LRRC7: variants seen among roughly 807,000 people sequenced by gnomAD.
LRRC7 encodes leucine-rich repeat-containing protein 7.
A neutral mutation model predicts 175.7 loss-of-function variants in LRRC7; 23 were observed. The observed-to-expected ratio is 0.13, with a 90% CI of 0.09 to 0.19. The LOEUF (loss-of-function observed/expected upper bound fraction) is 0.19, where lower values mean the gene tolerates loss of function less well. LRRC7 is among the 10% of genes least tolerant of loss of function. The probability of loss-of-function intolerance (pLI) is 1.00; values close to 1 mark genes in which losing one functional copy is unlikely to be tolerated. For missense variants in LRRC7, 1,354 were observed against 1,904.7 expected, an observed-to-expected ratio of 0.71 and a Z score of 5.38; for synonymous variants, 685 against 680.9, an observed-to-expected ratio of 1.01 and a Z score of -0.09.
At chr1:69,674,035 C>T (rs12128962) in intron 1 of LRRC7, among the ~76,000 whole-genome samples, 31,995 of 151,770 alleles carry the variant, frequency 0.21, 3,530 homozygotes, top group South Asian at 0.29. Flanking sequence ...GGAGGCAGGG[C>T]CTCGCTCTAT....
chr1:69,988,312 A>G (rs1014750637), intron 10 of LRRC7, among the ~76,000 whole-genome samples: 14 of 152,182 alleles, frequency 9.2e-5, no homozygotes, highest in African/African-American at 3.1e-4. Flanking sequence ...GCATGTGCCA[A>G]CAGTCCCAGT....
chr1:69,686,830 A>G (rs968614369), intron 2 of LRRC7, among the ~76,000 whole-genome samples: 13 of 152,128 alleles, frequency 8.5e-5, no homozygotes, highest in African/African-American at 2.4e-4. Flanking sequence ...GATAAAAAAG[A>G]AAGACCAACT....
At chr1:69,858,398 C>G (rs1316963663) in intron 7 of LRRC7, among the ~76,000 whole-genome samples, 1 of 152,052 alleles carries the variant, frequency 6.6e-6, no homozygotes, top group African/African-American at 2.4e-5. Context: ...CTACGAAGAA[C>G]TCAAAGAAAT....
chr1:69,673,611 A>G (rs1464927697), intron 1 of LRRC7, among the ~76,000 whole-genome samples: 1 of 152,180 alleles, frequency 6.6e-6, no homozygotes, highest in Non-Finnish European at 1.5e-5. Flanking sequence ...ATCATAGATA[A>G]TGGTGGTGAA....
In LRRC7 at chr1:70,129,497, G is replaced by A. The variant is rs1009458454; in HGVS notation, c.*7610G>A. Among the ~76,000 whole-genome samples, 30 of 152,196 alleles carry A rather than the reference G, an allele frequency of 2.0e-4. No individual in the cohort carries two copies. The highest frequency in any genetic ancestry group is 6.3e-4 in the African/African-American group (26 of 41,514). ...TGAGTCTGTATGCCCCTGACGTTAC[G>A]GGAGAAGGAGATGGAATTCAACACT... On this transcript the variant is annotated 3_prime_UTR_variant, in exon 27 of 27. Transcript: ENST00000651989.
intron 2 of LRRC7, among the ~76,000 whole-genome samples, chr1:69,699,516 C>T (rs1026070499): frequency 1.8e-4 from 28 of 151,460 alleles, no homozygotes; most frequent in South Asian, 1.2e-3. Context: ...CTCCACCTGG[C>T]GACAGAGCAA....
intron 1 of LRRC7, among the ~76,000 whole-genome samples, chr1:69,623,642 C>T (rs986493973): frequency 2.6e-5 from 4 of 151,470 alleles, no homozygotes; most frequent in Non-Finnish European, 5.9e-5. Flanking sequence ...CCTCTGCCTC[C>T]TGGGTTCAAG....
chr1:69,861,109 A>G (rs1302220405), intron 7 of LRRC7, among the ~76,000 whole-genome samples: 4 of 152,066 alleles, frequency 2.6e-5, no homozygotes. Context: ...GAAAAAGCAT[A>G]TATGAAATAA....
At chr1:69,986,848 T>C (rs1653976644) in intron 10 of LRRC7, among the ~76,000 whole-genome samples, 1 of 152,248 alleles carries the variant, frequency 6.6e-6, no homozygotes, top group African/African-American at 2.4e-5. Context: ...TTCTTAGTTC[T>C]ATTATTTTTA....
At chr1:69,770,542 G>A (rs1474677011) in intron 3 of LRRC7, among the ~76,000 whole-genome samples, 1 of 152,050 alleles carries the variant, frequency 6.6e-6, no homozygotes, top group Non-Finnish European at 1.5e-5. Flanking sequence ...TACTTAAAAA[G>A]GAATCTTTTG....
chr1:69,677,234 T>C (rs1314868916), intron 1 of LRRC7, among the ~76,000 whole-genome samples: 1 of 103,734 alleles, frequency 9.6e-6, no homozygotes, highest in Non-Finnish European at 2.3e-5. Flanking sequence ...TAACATATAT[T>C]ATATATGTTA....
At chr1:70,015,502 A>G (rs1185536319) in intron 13 of LRRC7, among the ~76,000 whole-genome samples, 1 of 152,168 alleles carries the variant, frequency 6.6e-6, no homozygotes, top group East Asian at 1.9e-4. Context: ...TAAAATGTTT[A>G]TCTGTATTCA....
chr1:70,121,790 A>G lies in LRRC7; in HGVS notation c.4631A>G (p.His1544Arg), dbSNP rs1378446369. The G allele has an allele frequency of 6.2e-7, 1 of 1,607,814 alleles. No individual in the cohort carries two copies. The highest frequency in any genetic ancestry group is 2.2e-5 in the East Asian group (1 of 44,758). Residue 1544 changes from histidine to arginine, a missense_variant, in exon 27 of 27, where the codon CAC (histidine) becomes CGC (arginine). His to Arg is a conservative substitution (Grantham distance 29). Around this residue, in one of 4 missense-constraint regions of LRRC7, gnomAD observed 53 missense variants for 112.6 expected, o/e 0.47. Coordinates refer to ENST00000651989, the MANE Select transcript of LRRC7 (RefSeq NM_001370785.2). Reference sequence around the variant, plus strand: ...TTTGTGTATTTACAGGCAAATGGACACAGTTTTGTACATATGGAACATGAA... The same window carrying G: ...TTTGTGTATTTACAGGCAAATGGACGCAGTTTTGTACATATGGAACATGAA... ...PGDKILQANG[H>R]SFVHMEHEKA...
At chr1:69,747,863 T>C (rs1669425838) in intron 2 of LRRC7, among the ~76,000 whole-genome samples, 2 of 152,270 alleles carry the variant, frequency 1.3e-5, no homozygotes, top group South Asian at 4.1e-4. Context: ...TTCTTCCATT[T>C]CAAGCATTCA....
chr1:69,773,695 G>T (rs1263621959), intron 3 of LRRC7, among the ~76,000 whole-genome samples: 5 of 152,166 alleles, frequency 3.3e-5, no homozygotes, highest in Admixed American at 2.0e-4. Flanking sequence ...TAAGAAGGCA[G>T]GAAATGCAAC....
intron 7 of LRRC7, among the ~76,000 whole-genome samples, chr1:69,908,071 G>C (rs1177679228): frequency 6.6e-6 from 1 of 152,206 alleles, no homozygotes; most frequent in Non-Finnish European, 1.5e-5. Flanking sequence ...AGTATTCTCT[G>C]ATGGTAATTT....
intron 3 of LRRC7, among the ~76,000 whole-genome samples, chr1:69,777,145 C>T (rs1672902551): frequency 6.6e-6 from 1 of 152,158 alleles, no homozygotes; most frequent in Admixed American, 6.5e-5. Flanking sequence ...TGCCAGCAGC[C>T]TACCTACAGA....
chr1:69,694,482 G>T (rs1254451994), intron 2 of LRRC7, among the ~76,000 whole-genome samples: 1 of 151,964 alleles, frequency 6.6e-6, no homozygotes, highest in Non-Finnish European at 1.5e-5. Context: ...CTGAATTTCT[G>T]TTTCTCAGCT....
At chr1:70,016,419 A>G (rs1164530520) in intron 13 of LRRC7, 46 bp from the exon 14 acceptor site, 1 of 1,329,036 alleles carries the variant, frequency 7.5e-7, no homozygotes, top group Admixed American at 2.3e-5. Context: ...GAAATGAACT[A>G]TTATCCATCT....
Sources: allele counts gnomAD v4.1 joint callset (sites outside exome capture counted in the v4.1 genomes callset), GRCh38; gene constraint gnomAD v4.1.1; regional missense constraint gnomAD v4.1.1; transcripts MANE v1.5; gene names NCBI Gene and HGNC (gene_info 2026-07-23, HGNC 2026-07-21).